RBPMS: variants seen among roughly 807,000 people sequenced by gnomAD.
The protein encoded by RBPMS is RNA-binding protein with multiple splicing.
Under a neutral mutation model 26.8 loss-of-function variants are expected in RBPMS, and 7 were observed. That is an observed-to-expected ratio of 0.26 (90% CI 0.15 to 0.49). The LOEUF is 0.49. Among genes scored for constraint, RBPMS ranks in the 20% least tolerant of loss-of-function variants. The pLI is 0.98. For synonymous variants in RBPMS, 96 were observed against 93.3 expected (o/e 1.03, Z -0.17); for missense variants, 186 against 250.0 (o/e 0.74, Z 1.73).
intron 1 of RBPMS, among the ~76,000 whole-genome samples, chr8:30,451,412 T>C (rs994346507): frequency 1.3e-5 from 2 of 152,188 alleles, no homozygotes; most frequent in Non-Finnish European, 2.9e-5. Context: ...TGAGATGTCT[T>C]TCATTATTTA....
intron 1 of RBPMS, among the ~76,000 whole-genome samples, chr8:30,459,569 A>G (rs1815658339): frequency 6.6e-6 from 1 of 152,178 alleles, no homozygotes; most frequent in African/African-American, 2.4e-5. Context: ...TATGCTTTTA[A>G]CAAAAGCCTT....
At chr8:30,504,187 C>T in intron 4 of RBPMS, 99 bp from the exon 5 acceptor site, 2 of 1,279,722 alleles carry the variant, frequency 1.6e-6, no homozygotes, top group Admixed American at 1.8e-5. Flanking sequence ...GACCTTTTTT[C>T]CTGATAGACC....
chr8:30,553,369 G>A (rs1826556532), intron 6 of RBPMS: 1 of 152,218 alleles, frequency 6.6e-6, no homozygotes, highest in Non-Finnish European at 1.5e-5. Flanking sequence ...GCGCTGTAAG[G>A]AAGACAATCT....
In RBPMS at chr8:30,537,686, G is replaced by A. The variant is rs576685251; in HGVS notation, c.398-6808G>A. ...CTGGCTCTGTGAGAGTCGTTGGGCT[G>A]GATATTTAACCTCGCTGTGTCTCAG... is the stretch of plus-strand genomic sequence containing the variant. On this transcript the variant is annotated intron_variant, in intron 5 of 8. Transcript: ENST00000397323. 7.5e-5 allele frequency: 34 copies of A among 455,378 alleles called. 1 individual carries two copies. The highest frequency in any genetic ancestry group is 5.3e-4 in the South Asian group (34 of 64,396). 28.2% of individuals were successfully genotyped at this position (455,378 alleles called of 1,614,324 possible).
intron 1 of RBPMS, among the ~76,000 whole-genome samples, chr8:30,435,111 A>G (rs1286274779): frequency 6.6e-6 from 1 of 152,180 alleles, no homozygotes; most frequent in Non-Finnish European, 1.5e-5. Flanking sequence ...TGAAACTTTG[A>G]GCACTGACAT....
intron 5 of RBPMS, among the ~76,000 whole-genome samples, chr8:30,527,824 C>T (rs1020625262): frequency 1.3e-5 from 2 of 152,184 alleles, no homozygotes; most frequent in Admixed American, 6.5e-5. Context: ...TGAGAGATTA[C>T]AGTCAGCAGT....
chr8:30,514,168 AG>A (rs1297274666), intron 5 of RBPMS, among the ~76,000 whole-genome samples: 1 of 152,210 alleles, frequency 6.6e-6, no homozygotes, highest in Non-Finnish European at 1.5e-5. Flanking sequence ...TTAAGAAAAA[AG>A]CCAATTTTGC....
At chr8:30,544,470 T>A in intron 5 of RBPMS, 24 bp from the exon 6 acceptor site, 3 of 1,610,990 alleles carry the variant, frequency 1.9e-6, no homozygotes, top group Non-Finnish European at 1.7e-6. Context: ...AACCACTAAC[T>A]CTCGCCTTAT....
intron 1 of RBPMS, among the ~76,000 whole-genome samples, chr8:30,388,038 T>C (rs923942823): frequency 6.6e-6 from 1 of 152,166 alleles, no homozygotes; most frequent in Non-Finnish European, 1.5e-5. Context: ...TAGCCAGTTG[T>C]GTAAGAGAGA....
chr8:30,450,190 C>T (rs897584163), intron 1 of RBPMS, among the ~76,000 whole-genome samples: 3 of 152,166 alleles, frequency 2.0e-5, no homozygotes, highest in African/African-American at 7.2e-5. Context: ...ACTTTAAAAT[C>T]AACGAGCATA....
At chr8:30,419,841 A>T (rs1189387852) in intron 1 of RBPMS, among the ~76,000 whole-genome samples, 1 of 152,202 alleles carries the variant, frequency 6.6e-6, no homozygotes, top group African/African-American at 2.4e-5. Flanking sequence ...CAATTAGAAC[A>T]CATAATAAAA....
At chr8:30,419,450 A>ATTGTGTGTGTGTGTGTGTGTGTGTGTGTG (rs1554509328) in intron 1 of RBPMS, among the ~76,000 whole-genome samples, 9 of 143,284 alleles carry the variant, frequency 6.3e-5, no homozygotes, top group Non-Finnish European at 9.0e-5. Flanking sequence ...CATCTCAAAA[A>ATTGTGTGTGTGTGTGTGTGTGTGTGTGTG]TGTGTGTGTG....
At chr8:30,470,300 C>T (rs1468860764) in intron 1 of RBPMS, among the ~76,000 whole-genome samples, 1 of 151,934 alleles carries the variant, frequency 6.6e-6, no homozygotes, top group Non-Finnish European at 1.5e-5. Flanking sequence ...AGGAGAATGG[C>T]TTGAACCCGG....
At chr8:30,549,374 AAACGACAGCTTTG>A in intron 6 of RBPMS, 1 of 778,160 alleles carries the variant, frequency 1.3e-6, no homozygotes, top group Non-Finnish European at 2.2e-6. Flanking sequence ...GCTATCCGGA[AAACGACAGCTTTG>A]AAGGACTGCA....
chr8:30,499,905 T>C (rs897623217), intron 4 of RBPMS, among the ~76,000 whole-genome samples: 3 of 135,884 alleles, frequency 2.2e-5, no homozygotes, highest in Non-Finnish European at 4.9e-5. Flanking sequence ...TGTGTGTGTG[T>C]GTTTGATAAA....
At chr8:30,468,984 C>T (rs1364406622) in intron 1 of RBPMS, among the ~76,000 whole-genome samples, 1 of 152,168 alleles carries the variant, frequency 6.6e-6, no homozygotes, top group Non-Finnish European at 1.5e-5. Flanking sequence ...AGAGGAACCT[C>T]AAGAGCCCAG....
At chr8:30,487,957 G>C (rs560186567) in intron 4 of RBPMS, among the ~76,000 whole-genome samples, 21 of 150,770 alleles carry the variant, frequency 1.4e-4, no homozygotes, top group African/African-American at 5.1e-4. Flanking sequence ...TTTTTTTCTT[G>C]GCCATTGTGC....
chr8:30,510,951 G>T (rs57658262), intron 5 of RBPMS, among the ~76,000 whole-genome samples: 37,146 of 151,862 alleles, frequency 0.24, 4,886 homozygotes, highest in East Asian at 0.4. Context: ...AACTCACTCA[G>T]ACCTTTGAAA....
intron 5 of RBPMS, among the ~76,000 whole-genome samples, chr8:30,525,536 A>C (rs1823489192): frequency 6.6e-6 from 1 of 152,228 alleles, no homozygotes; most frequent in African/African-American, 2.4e-5. Context: ...GAAGTCATCT[A>C]AAATTCAGAA....
Sources: allele counts gnomAD v4.1 joint callset (sites outside exome capture counted in the v4.1 genomes callset), GRCh38; gene constraint gnomAD v4.1.1; transcripts MANE v1.5; gene names NCBI Gene and HGNC (gene_info 2026-07-23, HGNC 2026-07-21).